TEAD1: variants seen among roughly 807,000 people sequenced by gnomAD.
TEAD1 encodes the protein TEA domain transcription factor 1, also known as transcriptional enhancer factor TEF-1.
In TEAD1, 9 loss-of-function variants were observed where a neutral mutation model predicts 54.9. That is an observed-to-expected ratio of 0.16 (90% CI 0.10 to 0.29). TEAD1 has a LOEUF of 0.29. Ranked by LOEUF, TEAD1 falls within the 10% of genes least tolerant of loss-of-function variation. TEAD1 has a pLI of 1.00. For missense variants in TEAD1, 387 were observed against 535.9 expected (o/e 0.72, Z 2.74); for synonymous variants, 200 against 187.8 (o/e 1.07, Z -0.53).
intron 10 of TEAD1, among the ~76,000 whole-genome samples, chr11:12,907,613 C>T (rs931230927): frequency 1.3e-5 from 2 of 152,108 alleles, no homozygotes; most frequent in Non-Finnish European, 2.9e-5. Context: ...GAAGAGGTTC[C>T]TCTCTTTTTC....
At chr11:12,916,322 C>G (rs1257664954) in intron 10 of TEAD1, among the ~76,000 whole-genome samples, 2 of 152,150 alleles carry the variant, frequency 1.3e-5, no homozygotes, top group Non-Finnish European at 2.9e-5. Flanking sequence ...GTGCCACACA[C>G]CCGACAAACG....
At chr11:12,748,072 C>T (rs1231250025) in intron 2 of TEAD1, among the ~76,000 whole-genome samples, 1 of 151,926 alleles carries the variant, frequency 6.6e-6, no homozygotes, top group Non-Finnish European at 1.5e-5. Context: ...AGTGATTCTC[C>T]TGCTTCAGCC....
chr11:12,893,229 C>A (rs1564980277), intron 9 of TEAD1, among the ~76,000 whole-genome samples: 1 of 152,158 alleles, frequency 6.6e-6, no homozygotes, highest in African/African-American at 2.4e-5. Context: ...CCTTGAATGT[C>A]TCTCAGGTTT....
chr11:12,855,321 C>T (rs561979069), intron 3 of TEAD1, among the ~76,000 whole-genome samples: 2 of 151,876 alleles, frequency 1.3e-5, no homozygotes, highest in South Asian at 2.1e-4. Context: ...GACGGAGTCT[C>T]GCTCTGTCAT....
chr11:12,794,070 ACT>A (rs1431903246), intron 3 of TEAD1, among the ~76,000 whole-genome samples: 2 of 152,334 alleles, frequency 1.3e-5, no homozygotes, highest in East Asian at 1.9e-4. Flanking sequence ...GCTTTGGCTA[ACT>A]CTGATAGGAA....
Position 12,938,434 on chromosome 11 carries a change from A to G in TEAD1, c.*1212A>G, listed in dbSNP as rs1283552834. ...GCTATATGTGTAGGTATGTGTATAC[A>G]TATACACAAATGCACATATAGAGTT... On this transcript the variant is annotated 3_prime_UTR_variant, in exon 13 of 13. Coordinates refer to ENST00000527636, the MANE Select transcript of TEAD1 (RefSeq NM_021961.6). The G allele has an allele frequency of 6.6e-6, 1 of 152,524 alleles. No individual in the cohort carries two copies. The highest frequency in any genetic ancestry group is 1.5e-5 in the Non-Finnish European group (1 of 68,052). The allele number at this position is 152,524 out of a possible 1,614,324, so 9.4% of individuals were successfully genotyped here.
intron 2 of TEAD1, among the ~76,000 whole-genome samples, chr11:12,728,780 A>G (rs1161882327): frequency 1.3e-5 from 2 of 152,230 alleles, no homozygotes; most frequent in Non-Finnish European, 2.9e-5. Context: ...CTCCCCAGGG[A>G]AAAATAAGGC....
chr11:12,723,939 C>G (rs1056942098), intron 2 of TEAD1, among the ~76,000 whole-genome samples: 3 of 152,170 alleles, frequency 2.0e-5, no homozygotes, highest in African/African-American at 7.2e-5. Flanking sequence ...GCTCGCCATC[C>G]TCAGTATGAC....
At chr11:12,709,800 A>G (rs1943895815) in intron 2 of TEAD1, among the ~76,000 whole-genome samples, 1 of 152,064 alleles carries the variant, frequency 6.6e-6, no homozygotes, top group Non-Finnish European at 1.5e-5. Context: ...CAGTGCTGGG[A>G]TTGCAGTTGT....
chr11:12,837,805 C>CT (rs575848575), intron 3 of TEAD1, among the ~76,000 whole-genome samples: 16,537 of 75,746 alleles, frequency 0.22, 1,306 homozygotes, highest in South Asian at 0.49. Context: ...CTTCCTTCTT[C>CT]TTTTTTTTTT....
chr11:12,761,125 C>T (rs1398777733), intron 2 of TEAD1, among the ~76,000 whole-genome samples: 1 of 152,164 alleles, frequency 6.6e-6, no homozygotes, highest in African/African-American at 2.4e-5. Context: ...TTAAAACTGG[C>T]TGTACTTACT....
chr11:12,687,970 C>G (rs1943368693), intron 2 of TEAD1, among the ~76,000 whole-genome samples: 1 of 152,172 alleles, frequency 6.6e-6, no homozygotes. Context: ...GGAACTGGAC[C>G]TGCCAGTTTA....
chr11:12,810,778 A>G (rs1440783907), intron 3 of TEAD1, among the ~76,000 whole-genome samples: 7 of 152,092 alleles, frequency 4.6e-5, no homozygotes, highest in African/African-American at 1.2e-4. Flanking sequence ...CTTTAACGCT[A>G]TATCTCCTCC....
At chr11:12,817,123 G>A (rs1481324319) in intron 3 of TEAD1, among the ~76,000 whole-genome samples, 1 of 152,164 alleles carries the variant, frequency 6.6e-6, no homozygotes, top group East Asian at 1.9e-4. Context: ...GTTTCTTCAG[G>A]CCTTGCGCTG....
chr11:12,864,966 C>G (rs181264356), intron 5 of TEAD1, 66 bp downstream of exon 5: 1 of 1,543,840 alleles, frequency 6.5e-7, no homozygotes, highest in African/African-American at 1.4e-5. Context: ...TCCATGGTGA[C>G]TGGTGAATGC....
At chr11:12,690,509 A>T (rs1321706225) in intron 2 of TEAD1, among the ~76,000 whole-genome samples, 1 of 152,092 alleles carries the variant, frequency 6.6e-6, no homozygotes, top group African/African-American at 2.4e-5. Flanking sequence ...TTGTATCTCC[A>T]TGGTGCTGTG....
intron 5 of TEAD1, among the ~76,000 whole-genome samples, chr11:12,872,618 G>A (rs1455713646): frequency 6.6e-6 from 1 of 152,208 alleles, no homozygotes; most frequent in African/African-American, 2.4e-5. Context: ...TGTAGATAAA[G>A]ATAATTCTGT....
rs557829671 is a variant in TEAD1 at position 12,881,748 on chromosome 11, A to G, written c.513-148A>G. ...CTGGTCCCTCTCAGTTTATGGAACA[A>G]CTGCCTCTGCCTGGGGTGTGCTACC... is the stretch of plus-strand genomic sequence containing the variant. On this transcript the variant is annotated intron_variant, in intron 7 of 12. Transcript: ENST00000527636. The G allele has an allele frequency of 7.7e-6, 6 of 775,512 alleles. No homozygotes were observed. The East Asian group carries it at 1.3e-4, about 17-fold the overall frequency. 48.0% of individuals were successfully genotyped at this position (775,512 alleles called of 1,614,324 possible). A position where few individuals can be genotyped will look rare whatever the true frequency, so the allele number is the denominator to read the frequency against.
intron 3 of TEAD1, among the ~76,000 whole-genome samples, chr11:12,844,512 G>A (rs996213943): frequency 6.6e-6 from 1 of 152,088 alleles, no homozygotes; most frequent in Non-Finnish European, 1.5e-5. Context: ...GCCACCACCA[G>A]CATCAAATCA....
Sources: allele counts gnomAD v4.1 joint callset (sites outside exome capture counted in the v4.1 genomes callset), GRCh38; gene constraint gnomAD v4.1.1; transcripts MANE v1.5; gene names NCBI Gene and HGNC (gene_info 2026-07-23, HGNC 2026-07-21).